The following CACNA1C variants were observed in gnomAD, a reference collection of about 807,000 sequenced individuals.
The protein encoded by CACNA1C is voltage-dependent L-type calcium channel subunit alpha-1C.
Under a neutral mutation model 229.0 loss-of-function variants are expected in CACNA1C, and 30 were observed. The ratio of observed to expected loss-of-function variants is 0.13; its 90% confidence interval spans 0.10 to 0.18. The LOEUF (loss-of-function observed/expected upper bound fraction) is 0.18, where lower values mean the gene tolerates loss of function less well. CACNA1C is among the 10% of genes least tolerant of loss of function. The pLI is 1.00. For missense variants in CACNA1C, 1,658 were observed against 2,845.0 expected (o/e 0.58, Z 9.49); for synonymous variants, 1,114 against 1,132.5 (o/e 0.98, Z 0.33).
chr12:2,008,631 T>C (rs2043881459), intron 1 of CACNA1C, among the ~76,000 whole-genome samples: 2 of 152,182 alleles, frequency 1.3e-5, no homozygotes, highest in Admixed American at 1.3e-4. Flanking sequence ...GAAATCCAAG[T>C]TGGGATAAAA....
rs1344437770 is a variant in CACNA1C, at chr12:2,053,931, C to T, written c.49+320C>T. Among the ~76,000 whole-genome samples, 2 of 150,084 alleles carry T rather than the reference C, an allele frequency of 1.3e-5. No homozygotes were observed. Among genetic ancestry groups the T allele is most frequent in the African/African-American group, 4.9e-5 (2 of 41,230 alleles). On this transcript the variant is annotated intron_variant, in intron 1 of 46. Coordinates refer to ENST00000399655, the MANE Select transcript of CACNA1C (RefSeq NM_000719.7). This position sits in a 1 kb window ranked among gnomAD's most constrained non-coding sequence, Gnocchi z 5.8. ...TGCCGCCGCCTCGCTTTCTCGCGTC[C>T]GCCTGGAGAGCCCGGCTGCCTGGCC...
intron 3 of CACNA1C, among the ~76,000 whole-genome samples, chr12:2,161,106 C>T (rs1300553767): frequency 6.6e-6 from 1 of 152,262 alleles, no homozygotes; most frequent in Non-Finnish European, 1.5e-5. Flanking sequence ...AGGCGTGAGC[C>T]ACCGCACCCG....
intron 3 of CACNA1C, among the ~76,000 whole-genome samples, chr12:2,158,954 A>G (rs2095689606): frequency 6.6e-6 from 1 of 152,118 alleles, no homozygotes; most frequent in Non-Finnish European, 1.5e-5. Context: ...TGACAAAACT[A>G]TTGCAGAGGA....
At chr12:2,495,839 C>T (rs61258923) in intron 7 of CACNA1C, among the ~76,000 whole-genome samples, 22,140 of 152,166 alleles carry the variant, frequency 0.15, 1,683 homozygotes, top group Middle Eastern at 0.23. Context: ...CACACACGTG[C>T]ACATACACAC....
Position 2,593,275 on chromosome 12 carries a change from C to G in CACNA1C, c.2593C>G (p.Leu865Val), listed in dbSNP as rs752104120. The G allele has an allele frequency of 6.8e-6, 11 of 1,613,732 alleles. No homozygotes were observed. The highest frequency in any genetic ancestry group is 1.7e-5 in the Admixed American group (1 of 60,006). Residue 865 changes from leucine to valine, a missense_variant, in exon 19 of 47, where the codon CTT (leucine) becomes GTT (valine). By Grantham distance (32) the Leu-to-Val change is conservative (BLOSUM62 1). Transcript: ENST00000399655. The stretch of plus-strand genomic sequence containing the variant: ...CCCTCGCCCACGACCACTCTCTGAG[C>G]TTCACCTTAAGGAAAAGGCAGTGCC... ...VGPRPRPLSE[L>V]HLKEKAVPMP...
At chr12:2,389,775 G>A (rs1431049539) in intron 3 of CACNA1C, among the ~76,000 whole-genome samples, 1 of 152,174 alleles carries the variant, frequency 6.6e-6, no homozygotes, top group Non-Finnish European at 1.5e-5. Flanking sequence ...ACTGGTGTGT[G>A]TGCTCCTGCT....
intron 29 of CACNA1C, among the ~76,000 whole-genome samples, chr12:2,616,069 A>G (rs216010): frequency 0.93 from 141,051 of 152,182 alleles, 66,335 homozygotes; most frequent in East Asian, 1. Context: ...GGACGCTGGA[A>G]GGGCCTTGAC....
chr12:2,053,275 C>G lies in CACNA1C; in HGVS notation c.-288C>G. 8.9e-7 allele frequency: 1 copy of G among 1,123,018 alleles called. No homozygotes were observed. The highest frequency in any genetic ancestry group is 1.1e-6 in the Non-Finnish European group (1 of 918,528). The allele number at this position is 1,123,018 out of a possible 1,614,324, so 69.6% of individuals were successfully genotyped here. On this transcript the variant is annotated 5_prime_UTR_variant, in exon 1 of 47. Transcript: ENST00000399655. This position sits in a 1 kb window ranked among gnomAD's most constrained non-coding sequence, Gnocchi z 5.8. ...TTATTTTTTCAAATGGTGTAGCCGC[C>G]GGAGGTGCGGTGCTCAGTTCTTGGA...
intron 3 of CACNA1C, among the ~76,000 whole-genome samples, chr12:2,233,246 G>A (rs937435501): frequency 5.9e-5 from 9 of 152,160 alleles, no homozygotes; most frequent in African/African-American, 2.2e-4. Context: ...AAGTTCTGTT[G>A]TGTCACCGTG....
At chr12:2,175,899 T>G (rs2096630899) in intron 3 of CACNA1C, among the ~76,000 whole-genome samples, 1 of 152,132 alleles carries the variant, frequency 6.6e-6, no homozygotes, top group African/African-American at 2.4e-5. Flanking sequence ...AAACAAGTAT[T>G]TATTGAGTTC....
chr12:2,290,467 AG>A (rs1223334706), intron 3 of CACNA1C, among the ~76,000 whole-genome samples: 1 of 152,152 alleles, frequency 6.6e-6, no homozygotes, highest in Non-Finnish European at 1.5e-5. Context: ...TATAAGAATG[AG>A]GGATTAGTGC....
intron 2 of CACNA1C, among the ~76,000 whole-genome samples, chr12:2,116,377 T>C (rs2083860276): frequency 6.6e-6 from 1 of 151,442 alleles, no homozygotes; most frequent in African/African-American, 2.4e-5. Context: ...AGGACTTTTT[T>C]TTTTTTTTTT....
rs2032164966 is a variant in CACNA1C at position 1,971,363 on chromosome 12, G to C, written c.139+162G>C. ...CCGTTGTAAAATTTTGCCTGTAACT[G>C]CACTATCCTGGTTTATGCCGTTCTT... On this transcript the variant is annotated intron_variant, in intron 1 of 46. Transcript: ENST00000682462. This position sits in a 1 kb window ranked among gnomAD's most constrained non-coding sequence, Gnocchi z 4.2. 6.6e-6 allele frequency among the ~76,000 whole-genome samples: 1 copy of C among 152,056 alleles called. No individual in the cohort carries two copies. The highest frequency in any genetic ancestry group is 1.5e-5 in the Non-Finnish European group (1 of 68,004).
At chr12:2,302,175 C>T (rs2094609421) in intron 3 of CACNA1C, among the ~76,000 whole-genome samples, 1 of 152,114 alleles carries the variant, frequency 6.6e-6, no homozygotes, top group Non-Finnish European at 1.5e-5. Context: ...GTGAGCCTCG[C>T]ACAGTGAATT....
rs1373024721 is a variant in CACNA1C, at chr12:2,696,091, G to A, written c.*4892G>A. On this transcript the variant is annotated 3_prime_UTR_variant, in exon 47 of 47. Transcript: ENST00000399655. ...CATAAATTCTATTTACATACATTGA[G>A]AGAATACTACAATCAACACTTTTTC... 6.6e-6 allele frequency: 1 copy of A among 152,162 alleles called. No individual in the cohort carries two copies. Among genetic ancestry groups the A allele is most frequent in the African/African-American group, 2.4e-5 (1 of 41,448 alleles). 9.4% of individuals were successfully genotyped at this position (152,162 alleles called of 1,614,324 possible).
intron 3 of CACNA1C, among the ~76,000 whole-genome samples, chr12:2,335,288 GCAGGCT>G (rs1379845411): frequency 6.6e-6 from 1 of 152,166 alleles, no homozygotes; most frequent in Non-Finnish European, 1.5e-5. Flanking sequence ...CGCCATGCCT[GCAGGCT>G]CCCACCTTCC....
At chr12:2,462,674 A>G (rs1196691863) in intron 5 of CACNA1C, among the ~76,000 whole-genome samples, 1 of 152,088 alleles carries the variant, frequency 6.6e-6, no homozygotes, top group Non-Finnish European at 1.5e-5. Context: ...GAGCCACCCC[A>G]CCCACTAAAA....
intron 1 of CACNA1C, among the ~76,000 whole-genome samples, chr12:2,099,014 G>A (rs969236258): frequency 6.6e-6 from 1 of 152,216 alleles, no homozygotes; most frequent in East Asian, 1.9e-4. Flanking sequence ...CTGAAGCCAC[G>A]TGGCTGTGTG....
chr12:2,665,583 C>T lies in CACNA1C; in HGVS notation c.4401C>T (p.Ile1467=). ...ISFYMLCAFL[I]INLFVAVIMD... ...CCTCATTGTACTGTTCCCCACAGATCATCAACCTCTTTGTAGCTGTCATCA... is the reference window on the plus strand; with the variant it reads ...CCTCATTGTACTGTTCCCCACAGATTATCAACCTCTTTGTAGCTGTCATCA... Residue 1467 remains isoleucine, a splice_region_variant and synonymous_variant, in exon 36 of 47, where the codon ATC becomes ATT. Transcript: ENST00000399655. The surrounding 1 kb of genome is among the most constrained non-coding windows in gnomAD (Gnocchi z 5.9). 1 of 1,613,452 alleles carries T rather than the reference C, an allele frequency of 6.2e-7. No homozygotes were observed. The highest frequency in any genetic ancestry group is 8.5e-7 in the Non-Finnish European group (1 of 1,179,560).
Sources: allele counts gnomAD v4.1 joint callset (sites outside exome capture counted in the v4.1 genomes callset), GRCh38; gene constraint gnomAD v4.1.1; non-coding constraint Gnocchi (gnomAD v3.1); transcripts MANE v1.5; gene names NCBI Gene and HGNC (gene_info 2026-07-23, HGNC 2026-07-21).